Variants in UNC13B observed in about 807,000 individuals in gnomAD.
UNC13B encodes unc-13 homolog B.
Under a neutral mutation model 211.0 loss-of-function variants are expected in UNC13B, and 144 were observed. The observed-to-expected ratio is 0.68, with a 90% CI of 0.60 to 0.78. The LOEUF is 0.78. Among genes scored for constraint, UNC13B ranks in the 30% least tolerant of loss-of-function variants. The pLI is 0.00. For missense variants in UNC13B, 1,777 were observed against 2,002.0 expected (o/e 0.89, Z 2.14); for synonymous variants, 709 against 725.8 (o/e 0.98, Z 0.37).
At chr9:35,381,017 T>C in intron 18 of UNC13B, 83 bp from the exon 19 acceptor site, 1 of 1,384,254 alleles carries the variant, frequency 7.2e-7, no homozygotes, top group South Asian at 1.4e-5. Context: ...TGGCCCCTTC[T>C]CTTCCTTGGG....
chr9:35,284,769 G>T (rs1828698645), intron 7 of UNC13B, among the ~76,000 whole-genome samples: 1 of 152,186 alleles, frequency 6.6e-6, no homozygotes, highest in African/African-American at 2.4e-5. Context: ...GTCCTTATGA[G>T]ATACCTGGTA....
In UNC13B at chr9:35,384,319, G is replaced by A. The variant is rs1247226215; in HGVS notation, c.10875+5G>A. 1.2e-6 allele frequency: 2 copies of A among 1,613,396 alleles called. No homozygotes were observed. Among genetic ancestry groups the A allele is most frequent in the African/African-American group, 2.7e-5 (2 of 74,914 alleles). ...ATCGACCTCTCTACATACAGGGTGA[G>A]TGAAGACACGGCTGTGGGCAGGATA... On this transcript the variant is annotated splice_donor_5th_base_variant and intron_variant, in intron 22 of 39. Coordinates refer to ENST00000635942, the MANE Select transcript of UNC13B (RefSeq NM_001371189.2).
At chr9:35,396,816 C>G in intron 27 of UNC13B, 25 bp from the exon 28 acceptor site, 1 of 1,613,968 alleles carries the variant, frequency 6.2e-7, no homozygotes, top group Non-Finnish European at 8.5e-7. Flanking sequence ...AGTTCTAAGC[C>G]CCTGTTCTCC....
chr9:35,200,880 G>C (rs1823244648), intron 1 of UNC13B, among the ~76,000 whole-genome samples: 1 of 152,164 alleles, frequency 6.6e-6, no homozygotes, highest in Non-Finnish European at 1.5e-5. Flanking sequence ...ATGTTGAATA[G>C]GAGTGGTGAG....
chr9:35,250,450 G>A (rs761727376), intron 6 of UNC13B, among the ~76,000 whole-genome samples: 11 of 152,030 alleles, frequency 7.2e-5, no homozygotes, highest in Non-Finnish European at 1.5e-4. Context: ...CTTTCACTTA[G>A]CATAATGTTT....
chr9:35,218,267 G>A (rs879667834), intron 1 of UNC13B, among the ~76,000 whole-genome samples: 12 of 152,046 alleles, frequency 7.9e-5, no homozygotes, highest in Non-Finnish European at 1.0e-4. Flanking sequence ...ATGGCAAGAA[G>A]CAACATAGGA....
At chr9:35,381,437 C>A in intron 19 of UNC13B, 119 bp from the exon 20 acceptor site, 1 of 1,294,408 alleles carries the variant, frequency 7.7e-7, no homozygotes, top group Non-Finnish European at 1.1e-6. Flanking sequence ...TGAGCAATGA[C>A]TGGAAGGACA....
At chr9:35,379,460 A>G (rs1834672930) in intron 17 of UNC13B, among the ~76,000 whole-genome samples, 1 of 141,550 alleles carries the variant, frequency 7.1e-6, no homozygotes, top group Non-Finnish European at 1.5e-5. Context: ...AAAAGAAAAG[A>G]AAAAAAAAAG....
chr9:35,405,141 T>A lies in UNC13B; in HGVS notation c.*1108T>A, dbSNP rs1836596206. The A allele has an allele frequency of 6.6e-6, 1 of 152,576 alleles. No homozygotes were observed. Among genetic ancestry groups the A allele is most frequent in the South Asian group, 2.1e-4 (1 of 4,828 alleles). 9.5% of individuals were successfully genotyped at this position (152,576 alleles called of 1,614,324 possible). A position where few individuals can be genotyped will look rare whatever the true frequency, so the allele number is the denominator to read the frequency against. ...AGAGTCAGATGGACTTCCCAAGACT[T>A]GTTGAGAGATGTGACATGGTTCTTG... is the stretch of plus-strand genomic sequence containing the variant. On this transcript the variant is annotated 3_prime_UTR_variant, in exon 40 of 40. Coordinates refer to ENST00000635942, the MANE Select transcript of UNC13B (RefSeq NM_001371189.2).
At chr9:35,295,159 T>G (rs1404637856) in intron 7 of UNC13B, among the ~76,000 whole-genome samples, 1 of 152,186 alleles carries the variant, frequency 6.6e-6, no homozygotes, top group Non-Finnish European at 1.5e-5. Context: ...GGCCTTGGCT[T>G]TGACCTTCCT....
chr9:35,212,079 A>G (rs972629603), intron 1 of UNC13B, among the ~76,000 whole-genome samples: 5 of 152,238 alleles, frequency 3.3e-5, no homozygotes, highest in African/African-American at 1.2e-4. Context: ...ACTTATCTGT[A>G]TACTTTGGAT....
intron 1 of UNC13B, among the ~76,000 whole-genome samples, chr9:35,214,234 CCTGA>C (rs1458767547): frequency 1.3e-5 from 2 of 152,054 alleles, no homozygotes; most frequent in African/African-American, 2.4e-5. Context: ...TGGTGACCAT[CCTGA>C]CTAACACAAT....
intron 7 of UNC13B, among the ~76,000 whole-genome samples, chr9:35,266,370 C>T (rs1458660743): frequency 6.6e-6 from 1 of 152,126 alleles, no homozygotes; most frequent in Admixed American, 6.6e-5. Flanking sequence ...TCAGAAATCA[C>T]TGGGCTACTG....
rs1834520290 is a variant in UNC13B, at chr9:35,377,680, A to G, written c.10048A>G (p.Lys3350Glu). ...VLDGTSKWSA[K>E]ITITVVCAQG... ...GGATGGCACCTCCAAATGGTCAGCC[A>G]AGATCACCATTACTGGTGAGCAGGC... Residue 3350 changes from lysine (K) to glutamate (E), a missense_variant, in exon 16 of 40, where the codon AAG becomes GAG. Lys to Glu is a moderately conservative substitution (Grantham distance 56). Coordinates refer to ENST00000635942, the MANE Select transcript of UNC13B (RefSeq NM_001371189.2). The G allele has an allele frequency of 6.2e-7, 1 of 1,613,918 alleles. No homozygotes were observed. Among genetic ancestry groups the G allele is most frequent in the Non-Finnish European group, 8.5e-7 (1 of 1,180,002 alleles).
At chr9:35,165,186 T>G (rs1820968015) in intron 1 of UNC13B, among the ~76,000 whole-genome samples, 3 of 152,202 alleles carry the variant, frequency 2.0e-5, no homozygotes, top group African/African-American at 7.2e-5. Context: ...GTAGAAGTTA[T>G]GTCACCTTTT....
chr9:35,245,955 C>A (rs1324003547), intron 6 of UNC13B, among the ~76,000 whole-genome samples: 6 of 152,108 alleles, frequency 3.9e-5, no homozygotes, highest in Non-Finnish European at 7.4e-5. Flanking sequence ...GAACCAGTTT[C>A]CAGTCCCACC....
intron 11 of UNC13B, chr9:35,342,113 C>G: frequency 2.0e-6 from 2 of 985,370 alleles, no homozygotes; most frequent in Non-Finnish European, 2.4e-6. Context: ...TGCCGTGGAG[C>G]CAGCCAGCTG....
At chr9:35,311,525 T>C (rs1830180835) in intron 10 of UNC13B, among the ~76,000 whole-genome samples, 1 of 152,202 alleles carries the variant, frequency 6.6e-6, no homozygotes, top group Non-Finnish European at 1.5e-5. Context: ...CATGTACTTA[T>C]GTACAGGTAT....
At chr9:35,381,357 G>T (rs756920183) in intron 19 of UNC13B, 142 bp downstream of exon 19, 5 of 974,626 alleles carry the variant, frequency 5.1e-6, no homozygotes, top group Non-Finnish European at 6.0e-6. Flanking sequence ...TGGAGAGTCC[G>T]AGTGACTGAA....
Sources: allele counts gnomAD v4.1 joint callset (sites outside exome capture counted in the v4.1 genomes callset), GRCh38; gene constraint gnomAD v4.1.1; transcripts MANE v1.5; gene names NCBI Gene and HGNC (gene_info 2026-07-23, HGNC 2026-07-21).